The following MTUS2 variants were observed in gnomAD, a reference collection of about 807,000 sequenced individuals.
MTUS2 encodes the protein microtubule associated scaffold protein 2.
MTUS2 carries 40 observed loss-of-function variants against 114.1 expected under a neutral mutation model. That is an observed-to-expected ratio of 0.35 (90% CI 0.27 to 0.46). The LOEUF is 0.46. Among genes scored for constraint, MTUS2 ranks in the 20% least tolerant of loss-of-function variants. MTUS2 has a pLI of 1.00. For missense variants in MTUS2, 1,679 were observed against 1,705.4 expected (o/e 0.98, Z 0.27); for synonymous variants, 688 against 672.0 (o/e 1.02, Z -0.37).
At chr13:28,860,200 G>T (rs1876882100) in intron 2 of MTUS2, among the ~76,000 whole-genome samples, 1 of 152,220 alleles carries the variant, frequency 6.6e-6, no homozygotes, top group Admixed American at 6.5e-5. Flanking sequence ...AAATACTGTT[G>T]TTTCTTTTTT....
chr13:29,455,150 T>C (rs1879011428), intron 9 of MTUS2, among the ~76,000 whole-genome samples: 2 of 152,174 alleles, frequency 1.3e-5, no homozygotes, highest in Admixed American at 1.3e-4. Flanking sequence ...GCAATTGAAG[T>C]GACTGGGAAT....
At chr13:29,135,030 TC>T (rs1285652766) in intron 5 of MTUS2, among the ~76,000 whole-genome samples, 1 of 152,246 alleles carries the variant, frequency 6.6e-6, no homozygotes, top group African/African-American at 2.4e-5. Flanking sequence ...ATGGACACTT[TC>T]AGAAATAAAC....
At position 29,076,572 on chromosome 13, in the gene MTUS2, C is replaced by T. The variant is rs146648884; in HGVS notation, c.2447-24201C>T. On this transcript the variant is annotated intron_variant, in intron 4 of 15. Coordinates refer to ENST00000612955, the MANE Select transcript of MTUS2 (RefSeq NM_001033602.4). ...ATGAAGTGATTACTCACATGGCTGA[C>T]GAGTTGATGCTGGCTGTTGGCAGGC... Among the ~76,000 whole-genome samples, 595 of 152,242 alleles carry T rather than the reference C, an allele frequency of 3.9e-3. 4 individuals carry two copies. The highest frequency in any genetic ancestry group is 0.014 in the African/African-American group (565 of 41,540).
chr13:28,837,340 T>C (rs780845859), intron 1 of MTUS2, among the ~76,000 whole-genome samples: 7 of 152,336 alleles, frequency 4.6e-5, no homozygotes, highest in Non-Finnish European at 8.8e-5. Flanking sequence ...CCTCAACTCT[T>C]ATCTAGGATT....
rs573295845 is a variant in MTUS2 at position 29,048,355 on chromosome 13, A to G, written c.2446+14230A>G. Among the ~76,000 whole-genome samples, 3 of 152,332 alleles carry G rather than the reference A, an allele frequency of 2.0e-5. No homozygotes were observed. The South Asian group carries it at 6.2e-4, about 32-fold the overall frequency. The stretch of plus-strand genomic sequence containing the variant: ...ACTGTGTCATTTCTTGGTCAGTTTC[A>G]ATTGATTGCATCTTCTCATTATGGG... On this transcript the variant is annotated intron_variant, in intron 4 of 15. Coordinates refer to ENST00000612955, the MANE Select transcript of MTUS2 (RefSeq NM_001033602.4).
At chr13:29,122,632 T>A (rs2138915379) in intron 5 of MTUS2, among the ~76,000 whole-genome samples, 1 of 152,272 alleles carries the variant, frequency 6.6e-6, no homozygotes, top group South Asian at 2.1e-4. Context: ...TCATGTCAGA[T>A]GGGGAGAGCA....
At position 28,927,197 on chromosome 13, in the gene MTUS2, C is replaced by T. The variant is rs373936272; in HGVS notation, c.-243+87347C>T. ...CATAATTTATGAATTTTGCAGCAGC[C>T]TATGACACTTGATTCAATAAACACT... is the stretch of plus-strand genomic sequence containing the variant. On this transcript the variant is annotated intron_variant, in intron 2 of 15. Transcript: ENST00000612955. Among the ~76,000 whole-genome samples the T allele has an allele frequency of 1.7e-3, 252 of 152,254 alleles. 2 individuals carry two copies. The highest frequency in any genetic ancestry group is 5.9e-3 in the African/African-American group (244 of 41,544).
intron 2 of MTUS2, among the ~76,000 whole-genome samples, chr13:29,000,564 C>A (rs544339200): frequency 6.6e-6 from 1 of 152,234 alleles, no homozygotes; most frequent in Admixed American, 6.5e-5. Flanking sequence ...CAGGGCTTCG[C>A]CATGTTGTCC....
At chr13:29,162,125 C>T (rs955081436) in intron 5 of MTUS2, among the ~76,000 whole-genome samples, 2 of 152,172 alleles carry the variant, frequency 1.3e-5, no homozygotes, top group African/African-American at 4.8e-5. Flanking sequence ...GTGTGTGTCT[C>T]TGTGTACAAA....
intron 2 of MTUS2, among the ~76,000 whole-genome samples, chr13:28,893,133 G>T (rs928245920): frequency 3.9e-5 from 6 of 152,292 alleles, no homozygotes; most frequent in African/African-American, 1.2e-4. Context: ...GAGAAGTTTG[G>T]ACTTTCTTCT....
At position 29,252,595 on chromosome 13, in the gene MTUS2, C is replaced by T. The variant is rs113664411; in HGVS notation, c.2645-29109C>T. On this transcript the variant is annotated intron_variant, in intron 5 of 15. Coordinates refer to ENST00000612955, the MANE Select transcript of MTUS2 (RefSeq NM_001033602.4). Reference sequence around the variant, plus strand: ...CAGTGATATGGTTTGGCTGTGTCCTCACCCAAATCTCTTCTTGAATTTTGG... The same window carrying T: ...CAGTGATATGGTTTGGCTGTGTCCTTACCCAAATCTCTTCTTGAATTTTGG... Among the ~76,000 whole-genome samples the T allele has an allele frequency of 4.4e-3, 672 of 152,254 alleles. 5 individuals are homozygous for T. Among genetic ancestry groups the T allele is most frequent in the African/African-American group, 0.015 (634 of 41,536 alleles).
chr13:29,247,001 C>T (rs988389048), intron 5 of MTUS2, among the ~76,000 whole-genome samples: 3 of 151,968 alleles, frequency 2.0e-5, no homozygotes, highest in Non-Finnish European at 4.4e-5. Flanking sequence ...ATCACAGTAC[C>T]TGACTTCAAA....
intron 5 of MTUS2, among the ~76,000 whole-genome samples, chr13:29,132,039 A>G (rs1324377958): frequency 1.3e-5 from 2 of 152,238 alleles, no homozygotes; most frequent in Admixed American, 6.5e-5. Context: ...CCAAGATGAC[A>G]CTGCTGGGAA....
At chr13:29,200,718 C>G (rs922411527) in intron 5 of MTUS2, among the ~76,000 whole-genome samples, 1 of 151,898 alleles carries the variant, frequency 6.6e-6, no homozygotes, top group Non-Finnish European at 1.5e-5. Context: ...CAGGGATTCT[C>G]CATGTTGGTC....
At chr13:28,988,475 A>G in intron 2 of MTUS2, among the ~76,000 whole-genome samples, 1 of 152,216 alleles carries the variant, frequency 6.6e-6, no homozygotes, top group Non-Finnish European at 1.5e-5. Context: ...TTACTTTTCA[A>G]TTTCTATCCC....
intron 5 of MTUS2, among the ~76,000 whole-genome samples, chr13:29,125,449 A>C (rs1373935831): frequency 6.6e-6 from 1 of 152,206 alleles, no homozygotes; most frequent in Non-Finnish European, 1.5e-5. Context: ...ATCTAACATT[A>C]ATTTCGTATC....
At chr13:29,428,412 G>A (rs1296185245) in intron 8 of MTUS2, among the ~76,000 whole-genome samples, 1 of 152,274 alleles carries the variant, frequency 6.6e-6, no homozygotes, top group African/African-American at 2.4e-5. Context: ...TGTCTGCGCG[G>A]TGCGGAGGCG....
intron 2 of MTUS2, among the ~76,000 whole-genome samples, chr13:28,955,306 A>T (rs1405215840): frequency 6.6e-6 from 1 of 152,356 alleles, no homozygotes; most frequent in East Asian, 1.9e-4. Context: ...TAAAGAATAA[A>T]ATATAAATAC....
At chr13:29,170,541 T>C (rs1188565047) in intron 5 of MTUS2, among the ~76,000 whole-genome samples, 2 of 152,208 alleles carry the variant, frequency 1.3e-5, no homozygotes, top group Non-Finnish European at 2.9e-5. Context: ...TGACATGATT[T>C]ATATAAAAAT....
Sources: gnomAD v4.1 joint callset for allele counts (sites outside exome capture counted in the v4.1 genomes callset) on GRCh38, gnomAD v4.1.1 for gene constraint, MANE v1.5 for transcripts, NCBI Gene and HGNC (gene_info 2026-07-23, HGNC 2026-07-21) for gene names.